CCBE1: variants seen among roughly 807,000 people sequenced by gnomAD.
CCBE1 encodes collagen and calcium binding EGF domains 1, also known as collagen and calcium-binding EGF domain-containing protein 1.
CCBE1 carries 37 observed loss-of-function variants against 50.0 expected under a neutral mutation model. The ratio of observed to expected loss-of-function variants is 0.74; its 90% CI spans 0.57 to 0.97. CCBE1 has a LOEUF of 0.97. CCBE1 is among the 50% of genes least tolerant of loss of function. The probability of loss-of-function intolerance (pLI) is 0.00; values close to 1 mark genes in which losing one functional copy is unlikely to be tolerated. For synonymous variants in CCBE1, 234 were observed against 203.7 expected (o/e 1.15, Z -1.27); for missense variants, 538 against 523.8 (o/e 1.03, Z -0.26).
intron 2 of CCBE1, among the ~76,000 whole-genome samples, chr18:59,529,072 CTA>C (rs1302170012): frequency 1.3e-5 from 2 of 152,248 alleles, no homozygotes; most frequent in African/African-American, 4.8e-5. Context: ...GGGGAAGAGA[CTA>C]AGTCTGCTGA....
At chr18:59,655,415 A>G (rs1272343856) in intron 2 of CCBE1, among the ~76,000 whole-genome samples, 3 of 152,178 alleles carry the variant, frequency 2.0e-5, no homozygotes, top group Non-Finnish European at 4.4e-5. Flanking sequence ...GAGTGGAAAC[A>G]TGTCAAGTGT....
chr18:59,613,114 T>A (rs1390951227), intron 2 of CCBE1, among the ~76,000 whole-genome samples: 1 of 152,078 alleles, frequency 6.6e-6, no homozygotes. Flanking sequence ...CCTGCTCTTA[T>A]CGGAAGTAAC....
At chr18:59,685,359 G>T (rs188798415) in intron 2 of CCBE1, among the ~76,000 whole-genome samples, 2 of 152,152 alleles carry the variant, frequency 1.3e-5, no homozygotes, top group Middle Eastern at 3.4e-3. Flanking sequence ...GAATGGAAAG[G>T]GTCTAACAAA....
At chr18:59,468,531 C>A (rs1911863572) in intron 4 of CCBE1, among the ~76,000 whole-genome samples, 2 of 152,192 alleles carry the variant, frequency 1.3e-5, no homozygotes, top group African/African-American at 4.8e-5. Flanking sequence ...TTGGGAGTCA[C>A]AATCCCATTG....
chr18:59,477,853 C>A (rs72629868), intron 3 of CCBE1, among the ~76,000 whole-genome samples: 1 of 152,122 alleles, frequency 6.6e-6, no homozygotes, highest in South Asian at 2.1e-4. Context: ...TAAGAAGATG[C>A]ATATGGGTGC....
rs548552696 is a variant in CCBE1 at position 59,577,329 on chromosome 18, T to C, written c.213-97091A>G. ...GCAGTTCCAGCTGGAGTTGGTTTTC[T>C]CTCCAACAAAAACCAAGTCTGGCAG... is the stretch of plus-strand genomic sequence containing the variant. On this transcript the variant is annotated intron_variant, in intron 2 of 10. Transcript: ENST00000439986. 3.9e-5 allele frequency among the ~76,000 whole-genome samples: 6 copies of C among 152,210 alleles called. No homozygotes were observed. In the South Asian group the frequency reaches 1.0e-3, roughly 26 times the overall value.
chr18:59,498,803 T>A (rs374444222), intron 2 of CCBE1, among the ~76,000 whole-genome samples: 1 of 152,202 alleles, frequency 6.6e-6, no homozygotes, highest in Non-Finnish European at 1.5e-5. Context: ...GTGATAAGAT[T>A]GATAAACAGA....
At chr18:59,467,626 A>G (rs1026644178) in intron 4 of CCBE1, among the ~76,000 whole-genome samples, 2 of 152,164 alleles carry the variant, frequency 1.3e-5, no homozygotes, top group African/African-American at 4.8e-5. Context: ...CGCATGGTGG[A>G]AACAAAAACG....
chr18:59,651,216 C>T lies in CCBE1; in HGVS notation c.212+45413G>A, dbSNP rs1267261243. ...ATTACAATGTGTTCCAGGGAAAATACGTTCTACTTACTTAGGAAGTGTTCC... is the reference window on the plus strand; with the variant it reads ...ATTACAATGTGTTCCAGGGAAAATATGTTCTACTTACTTAGGAAGTGTTCC... On this transcript the variant is annotated intron_variant, in intron 2 of 10. Coordinates refer to ENST00000439986, the MANE Select transcript of CCBE1 (RefSeq NM_133459.4). Among the ~76,000 whole-genome samples the T allele has an allele frequency of 4.6e-5, 7 of 152,172 alleles. No individual in the cohort carries two copies. In the East Asian group the frequency reaches 5.8e-4, roughly 13 times the overall value.
chr18:59,557,665 G>A (rs1427313431), intron 2 of CCBE1, among the ~76,000 whole-genome samples: 4 of 152,064 alleles, frequency 2.6e-5, no homozygotes, highest in African/African-American at 7.2e-5. Context: ...TTTATATGGG[G>A]TATAACCAAG....
At chr18:59,558,413 T>C (rs2052684341) in intron 2 of CCBE1, among the ~76,000 whole-genome samples, 2 of 152,216 alleles carry the variant, frequency 1.3e-5, no homozygotes, top group African/African-American at 4.8e-5. Context: ...TAAAGTACCA[T>C]AAGGTACATG....
intron 2 of CCBE1, among the ~76,000 whole-genome samples, chr18:59,601,101 G>A (rs567198749): frequency 4.6e-5 from 6 of 129,692 alleles, no homozygotes; most frequent in African/African-American, 1.1e-4. Flanking sequence ...GTGCAATCTC[G>A]GCTCACTGCA....
chr18:59,612,789 G>A (rs1316462711), intron 2 of CCBE1, among the ~76,000 whole-genome samples: 1 of 149,718 alleles, frequency 6.7e-6, no homozygotes, highest in African/African-American at 2.5e-5. Context: ...AAAGTAGTAG[G>A]GAAAAGAACT....
intron 2 of CCBE1, among the ~76,000 whole-genome samples, chr18:59,507,289 C>T (rs2144283677): frequency 6.6e-6 from 1 of 152,332 alleles, no homozygotes; most frequent in East Asian, 1.9e-4. Context: ...TGCTGCTTCT[C>T]ACCTATGTCT....
intron 2 of CCBE1, among the ~76,000 whole-genome samples, chr18:59,506,793 A>C (rs1451409570): frequency 1.3e-5 from 2 of 152,220 alleles, no homozygotes; most frequent in Non-Finnish European, 2.9e-5. Context: ...GGATGGAGCA[A>C]ACAAAAGATT....
chr18:59,456,385 T>A (rs1044668567), intron 5 of CCBE1, among the ~76,000 whole-genome samples: 2 of 152,086 alleles, frequency 1.3e-5, no homozygotes. Flanking sequence ...TATACTGGAG[T>A]AAGATGGGAT....
chr18:59,641,964 G>A (rs1212055139), intron 2 of CCBE1, among the ~76,000 whole-genome samples: 1 of 151,990 alleles, frequency 6.6e-6, no homozygotes, highest in Non-Finnish European at 1.5e-5. Flanking sequence ...GATTGGAGAA[G>A]GTGAAACTAC....
intron 2 of CCBE1, among the ~76,000 whole-genome samples, chr18:59,642,041 G>C (rs914781055): frequency 3.9e-5 from 6 of 152,028 alleles, no homozygotes; most frequent in African/African-American, 1.5e-4. Context: ...GAAAAAGGGT[G>C]ATAAAATCGA....
In CCBE1 at chr18:59,696,691, GCT is replaced by G; in HGVS notation, c.148_149del (p.Ser50GlnfsTer6). ...ACGGGTATTTAGTCGTCGCGATTTT[GCT>G]CTCTGAGCAGATTTCTCTATGAAAA... ...EDGDREICSESKIATTKYPCL... is the reference protein window; with the variant it reads ...EDGDREICSEXKIATTKYPCL... On this transcript the variant is annotated frameshift_variant, in exon 2 of 11. Transcript: ENST00000439986. LOFTEE classifies it high-confidence loss of function. The G allele has an allele frequency of 6.2e-7, 1 of 1,613,992 alleles. No individual in the cohort carries two copies. The highest frequency in any genetic ancestry group is 8.5e-7 in the Non-Finnish European group (1 of 1,179,926).
Sources: gnomAD v4.1 joint callset for allele counts (sites outside exome capture counted in the v4.1 genomes callset) on GRCh38, gnomAD v4.1.1 for gene constraint, MANE v1.5 for transcripts, NCBI Gene and HGNC (gene_info 2026-07-23, HGNC 2026-07-21) for gene names.